The following PRIM2 variants were observed in gnomAD, a reference collection of about 807,000 sequenced individuals.
PRIM2 encodes the protein DNA primase large subunit.
Under a neutral mutation model 67.3 loss-of-function variants are expected in PRIM2, and 39 were observed. The ratio of observed to expected loss-of-function variants is 0.58; its 90% CI spans 0.45 to 0.76. The LOEUF (loss-of-function observed/expected upper bound fraction) is 0.76. Ranked by LOEUF, PRIM2 falls within the 30% of genes least tolerant of loss-of-function variation. The pLI is 0.00. For synonymous variants in PRIM2, 143 were observed against 198.7 expected (o/e 0.72, Z 2.36); for missense variants, 398 against 598.7 (o/e 0.66, Z 3.50).
At chr6:57,418,878 C>G (rs1468697890) in intron 7 of PRIM2, among the ~76,000 whole-genome samples, 2 of 152,022 alleles carry the variant, frequency 1.3e-5, no homozygotes, top group African/African-American at 4.8e-5. Flanking sequence ...TATTGCTACT[C>G]ACATTTCATT....
chr6:57,269,405 T>C, the PRIM2 span, among the ~76,000 whole-genome samples: 1 of 152,122 alleles, frequency 6.6e-6, no homozygotes, highest in Non-Finnish European at 1.5e-5. Context: ...CATTTTTTCA[T>C]GTGTTTTTTG....
chr6:57,594,309 G>A (rs1451882996), intron 10 of PRIM2, among the ~76,000 whole-genome samples: 1 of 152,144 alleles, frequency 6.6e-6, no homozygotes, highest in African/African-American at 2.4e-5. Context: ...AAAGAAATCG[G>A]CAAGCCAATT....
At chr6:57,616,080 G>T (rs1203846459) in intron 12 of PRIM2, among the ~76,000 whole-genome samples, 29 of 152,206 alleles carry the variant, frequency 1.9e-4, no homozygotes, top group African/African-American at 7.0e-4. Flanking sequence ...ATCTTTTATT[G>T]TAATCTCTGA....
chr6:57,620,009 A>T (rs1230347978), intron 12 of PRIM2, among the ~76,000 whole-genome samples: 2,125 of 152,254 alleles, frequency 0.014, 21 homozygotes, highest in Non-Finnish European at 0.02. Flanking sequence ...GTCCTGGCTA[A>T]CACAGTGAAA....
chr6:57,406,946 T>C (rs559395764), intron 7 of PRIM2, among the ~76,000 whole-genome samples: 1,825 of 150,872 alleles, frequency 0.012, 38 homozygotes, highest in African/African-American at 0.042. Flanking sequence ...GTGAACAGTG[T>C]CATTGAGTTT....
intron 7 of PRIM2, among the ~76,000 whole-genome samples, chr6:57,488,664 A>G (rs1773807690): frequency 6.6e-6 from 1 of 152,234 alleles, no homozygotes. Context: ...CCAGGATGTC[A>G]GCCCACCACA....
chr6:57,461,832 G>A (rs1296800305), intron 7 of PRIM2, among the ~76,000 whole-genome samples: 1 of 152,166 alleles, frequency 6.6e-6, no homozygotes, highest in Non-Finnish European at 1.5e-5. Context: ...TGATCACTGA[G>A]AAATTAAAAC....
chr6:57,339,805 T>TTA (rs1371599668), intron 5 of PRIM2, among the ~76,000 whole-genome samples: 3 of 152,156 alleles, frequency 2.0e-5, no homozygotes, highest in African/African-American at 7.2e-5. Context: ...GGCAAGGACT[T>TTA]TATGTCTAAA....
At chr6:57,533,611 C>T (rs1376713136) in intron 9 of PRIM2, among the ~76,000 whole-genome samples, 1 of 152,128 alleles carries the variant, frequency 6.6e-6, no homozygotes, top group African/African-American at 2.4e-5. Context: ...TCTAACAGTC[C>T]ACTTTCTCAC....
At chr6:57,620,712 C>T (rs1414853114) in intron 12 of PRIM2, among the ~76,000 whole-genome samples, 1 of 152,204 alleles carries the variant, frequency 6.6e-6, no homozygotes, top group Non-Finnish European at 1.5e-5. Flanking sequence ...ATGATGAATG[C>T]AAAGGTACCT....
the PRIM2 span, among the ~76,000 whole-genome samples, chr6:57,241,358 A>G: frequency 1.3e-5 from 2 of 152,148 alleles, no homozygotes; most frequent in African/African-American, 4.8e-5. Context: ...ACAGTGAGCT[A>G]TGATCACATC....
chr6:57,512,637 G>A (rs1554347813), intron 8 of PRIM2, among the ~76,000 whole-genome samples: 2 of 151,556 alleles, frequency 1.3e-5, no homozygotes, highest in African/African-American at 2.4e-5. Context: ...TCTGTCTGTC[G>A]CCCAGGCTGG....
At chr6:57,607,000 A>G (rs1271292309) in intron 12 of PRIM2, among the ~76,000 whole-genome samples, 3 of 152,216 alleles carry the variant, frequency 2.0e-5, no homozygotes, top group African/African-American at 7.2e-5. Flanking sequence ...AATGTTAAAC[A>G]GTACATTTTT....
upstream of PRIM2, among the ~76,000 whole-genome samples, chr6:57,315,322 T>C (rs1767458760): frequency 6.6e-6 from 1 of 151,474 alleles, no homozygotes; most frequent in Admixed American, 6.6e-5. Flanking sequence ...TTTCATCACA[T>C]TGTCCAGTGG....
At chr6:57,456,501 C>G (rs1581923916) in intron 7 of PRIM2, among the ~76,000 whole-genome samples, 2 of 152,110 alleles carry the variant, frequency 1.3e-5, no homozygotes, top group East Asian at 3.9e-4. Flanking sequence ...ATTCTTTTTT[C>G]TCTAAACTTC....
chr6:57,290,929 T>C, the PRIM2 span, among the ~76,000 whole-genome samples: 9 of 151,892 alleles, frequency 5.9e-5, no homozygotes, highest in African/African-American at 1.9e-4. Flanking sequence ...CCTAACATCA[T>C]AATTAAAAGA....
intron 7 of PRIM2, among the ~76,000 whole-genome samples, chr6:57,495,546 T>C (rs1385716168): frequency 8.5e-5 from 13 of 152,232 alleles, no homozygotes; most frequent in Non-Finnish European, 1.8e-4. Context: ...TCTTGAATTA[T>C]ACATTTGGAT....
intron 7 of PRIM2, among the ~76,000 whole-genome samples, chr6:57,402,024 A>T (rs940173430): frequency 5.3e-5 from 8 of 152,080 alleles, no homozygotes; most frequent in African/African-American, 1.7e-4. Flanking sequence ...CTGGTTTGAT[A>T]TATCTGGCAG....
intron 12 of PRIM2, among the ~76,000 whole-genome samples, chr6:57,631,895 GT>G (rs1342905282): frequency 6.6e-6 from 1 of 152,136 alleles, no homozygotes; most frequent in Non-Finnish European, 1.5e-5. Context: ...TGTACAGTTG[GT>G]AGGTCAGAAA....
Sources: allele counts gnomAD v4.1 joint callset (sites outside exome capture counted in the v4.1 genomes callset), GRCh38; gene constraint gnomAD v4.1.1; transcripts MANE v1.5; gene names NCBI Gene and HGNC (gene_info 2026-07-23, HGNC 2026-07-21).